The following MAK variants were observed in gnomAD, a reference collection of about 807,000 sequenced individuals.
MAK encodes male germ cell associated kinase.
Under a neutral mutation model 82.6 loss-of-function variants are expected in MAK, and 65 were observed. That is an observed-to-expected ratio of 0.79 (90% CI 0.64 to 0.97). The LOEUF (loss-of-function observed/expected upper bound fraction) is 0.97. MAK is among the 50% of genes least tolerant of loss of function. MAK has a pLI of 0.00. For missense variants in MAK, 703 were observed against 780.2 expected (o/e 0.90, Z 1.18); for synonymous variants, 250 against 274.2 (o/e 0.91, Z 0.87).
intron 1 of MAK, among the ~76,000 whole-genome samples, chr6:10,835,895 C>T (rs1240227067): frequency 2.6e-5 from 4 of 152,188 alleles, no homozygotes; most frequent in Non-Finnish European, 4.4e-5. Flanking sequence ...CAGCCACCCC[C>T]ATCACCACCG....
intron 4 of MAK, among the ~76,000 whole-genome samples, chr6:10,817,588 T>C (rs1165345341): frequency 2.6e-5 from 4 of 152,188 alleles, no homozygotes; most frequent in African/African-American, 7.2e-5. Context: ...AAATTTGTAT[T>C]TTAAAAAGCA....
chr6:10,805,813 A>C (rs1370717198), intron 6 of MAK, among the ~76,000 whole-genome samples: 1 of 152,224 alleles, frequency 6.6e-6, no homozygotes, highest in Non-Finnish European at 1.5e-5. Context: ...TAAAGTGTAC[A>C]TCACACTGCT....
intron 2 of MAK, among the ~76,000 whole-genome samples, chr6:10,822,210 T>G (rs1342126137): frequency 1.3e-5 from 2 of 151,246 alleles, no homozygotes; most frequent in Non-Finnish European, 2.9e-5. Context: ...TCGCAGCACT[T>G]TCAGAAGCTG....
chr6:10,837,060 G>T lies in MAK; in HGVS notation c.-230+1443C>A, dbSNP rs371018561. ...TAGGATTAAAGAAGATTAGCAAAGAGGGCAAATGAAGGGTAAAACAAGCGT... is the reference window on the plus strand; with the variant it reads ...TAGGATTAAAGAAGATTAGCAAAGATGGCAAATGAAGGGTAAAACAAGCGT... On this transcript the variant is annotated intron_variant, in intron 1 of 14. Coordinates refer to ENST00000354489, the MANE Select transcript of MAK (RefSeq NM_001242957.3). Among the ~76,000 whole-genome samples the T allele has an allele frequency of 6.0e-4, 91 of 152,286 alleles. No individual in the cohort carries two copies. The South Asian group carries it at 6.2e-3, about 10-fold the overall frequency.
chr6:10,804,781 A>T (rs1776281279), intron 6 of MAK, among the ~76,000 whole-genome samples: 1 of 152,142 alleles, frequency 6.6e-6, no homozygotes, highest in Admixed American at 6.6e-5. Flanking sequence ...TTTCAGTCCA[A>T]ATGTTTGGCA....
At chr6:10,798,371 T>C (rs519967) in intron 8 of MAK, among the ~76,000 whole-genome samples, 45,761 of 151,880 alleles carry the variant, frequency 0.3, 7,686 homozygotes, top group African/African-American at 0.46. Context: ...CCTTGGCCTC[T>C]CAAAGTGCTA....
chr6:10,784,737 C>T (rs553716337), intron 10 of MAK, 165 bp from the exon 11 acceptor site: 1 of 703,470 alleles, frequency 1.4e-6, no homozygotes, highest in Admixed American at 2.0e-5. Flanking sequence ...TTCCCCTCCA[C>T]CCGCGTAGAT....
intron 14 of MAK, among the ~76,000 whole-genome samples, chr6:10,768,919 T>G (rs1238027582): frequency 6.6e-6 from 1 of 152,176 alleles, no homozygotes; most frequent in Non-Finnish European, 1.5e-5. Context: ...ACTTTTAAAT[T>G]AAACTACAGG....
At chr6:10,785,174 G>T (rs901901692) in intron 10 of MAK, among the ~76,000 whole-genome samples, 1 of 152,142 alleles carries the variant, frequency 6.6e-6, no homozygotes, top group Non-Finnish European at 1.5e-5. Context: ...CTGCCTGTTG[G>T]TCCCTAACTC....
intron 1 of MAK, among the ~76,000 whole-genome samples, chr6:10,831,137 T>C (rs540253531): frequency 6.6e-6 from 1 of 152,346 alleles, no homozygotes; most frequent in South Asian, 2.1e-4. Flanking sequence ...ATTCCTTTTT[T>C]ACTAAATATA....
intron 13 of MAK, among the ~76,000 whole-genome samples, chr6:10,770,643 G>A (rs994898836): frequency 6.6e-6 from 1 of 152,192 alleles, no homozygotes; most frequent in Admixed American, 6.5e-5. Context: ...TAAAATGGTT[G>A]TAAGTGGACC....
rs1283637745 is a variant in MAK at position 10,776,031 on chromosome 6, G to T, written c.1466-572C>A. On this transcript the variant is annotated intron_variant, in intron 11 of 14. Transcript: ENST00000354489. This position sits in a 1 kb window ranked among gnomAD's most constrained non-coding sequence, Gnocchi z 4.3. The stretch of plus-strand genomic sequence containing the variant: ...TCAAACTCCTGGCCTCAAGTGATCC[G>T]TTCACCTTGGCCTCCCAAAGTGCTG... 1.3e-5 allele frequency among the ~76,000 whole-genome samples: 2 copies of T among 152,072 alleles called. No homozygotes were observed. The highest frequency in any genetic ancestry group is 2.9e-5 in the Non-Finnish European group (2 of 68,034).
chr6:10,796,147 CA>C lies in MAK; in HGVS notation c.993del (p.Val332LeufsTer22). 1 of 1,614,158 alleles carries C rather than the reference CA, an allele frequency of 6.2e-7. No individual in the cohort carries two copies. On this transcript the variant is annotated frameshift_variant, in exon 9 of 15. Transcript: ENST00000354489. LOFTEE classifies it high-confidence loss of function. ...PKPLPDIIDQ[V>X]VGQPQPKTSQ... Reference sequence around the variant, plus strand: ...CTAGTTTTTGGCTGGGGTTGTCCAACAACCTGATCGATTATATCCGGCAGAG... The same window carrying C: ...CTAGTTTTTGGCTGGGGTTGTCCAACACCTGATCGATTATATCCGGCAGAG...
At chr6:10,804,066 A>T (rs1776222529) in intron 6 of MAK, among the ~76,000 whole-genome samples, 175 bp from the exon 7 acceptor site, 1 of 152,190 alleles carries the variant, frequency 6.6e-6, no homozygotes, top group African/African-American at 2.4e-5. Context: ...GACACAACAC[A>T]TGTTCCCTGA....
intron 9 of MAK, 100 bp from the exon 10 acceptor site, chr6:10,791,947 A>G (rs1775127116): frequency 2.3e-6 from 3 of 1,311,966 alleles, no homozygotes; most frequent in Non-Finnish European, 3.3e-6. Flanking sequence ...CCCCATTCTC[A>G]AGGAGCGTTC....
rs555388483 is a variant in MAK at position 10,770,003 on chromosome 6, G to C, written c.1792+108C>G. On this transcript the variant is annotated intron_variant, in intron 14 of 14. Coordinates refer to ENST00000354489, the MANE Select transcript of MAK (RefSeq NM_001242957.3). ...ACAAAAAGAAATGCGTTAATGAGGT[G>C]AGGCTGACTAAAAGTCTTCGCTTGG... 34 of 1,599,322 alleles carry C rather than the reference G, an allele frequency of 2.1e-5. No homozygotes were observed. The South Asian group carries it at 3.1e-4, about 15-fold the overall frequency.
intron 10 of MAK, 21 bp from the exon 11 acceptor site, chr6:10,784,593 A>G: frequency 1.3e-6 from 2 of 1,576,640 alleles, no homozygotes; most frequent in Non-Finnish European, 1.7e-6. Flanking sequence ...AATGAAAGGT[A>G]GCATTACAGC....
Position 10,762,965 on chromosome 6 carries a change from AT to A in MAK, c.*1486del, listed in dbSNP as rs1772089089. ...GTATAATGCCCACAAGATGACACTT[AT>A]TACAATAGCAGTTGTTACAAAGTCA... On this transcript the variant is annotated 3_prime_UTR_variant, in exon 15 of 15. Coordinates refer to ENST00000354489, the MANE Select transcript of MAK (RefSeq NM_001242957.3). The A allele has an allele frequency of 2.0e-5, 3 of 152,652 alleles. No homozygotes were observed. The highest frequency in any genetic ancestry group is 1.5e-5 in the Non-Finnish European group (1 of 68,046). 9.5% of individuals were successfully genotyped at this position (152,652 alleles called of 1,614,324 possible). A position where few individuals can be genotyped will look rare whatever the true frequency, so the allele number is the denominator to read the frequency against.
intron 14 of MAK, among the ~76,000 whole-genome samples, chr6:10,768,903 G>A (rs144923161): frequency 6.6e-6 from 1 of 152,288 alleles, no homozygotes; most frequent in African/African-American, 2.4e-5. Context: ...CACACTTTCA[G>A]AGTCAACTTT....
Sources: allele counts gnomAD v4.1 joint callset (sites outside exome capture counted in the v4.1 genomes callset), GRCh38; gene constraint gnomAD v4.1.1; non-coding constraint Gnocchi (gnomAD v3.1); transcripts MANE v1.5; gene names NCBI Gene and HGNC (gene_info 2026-07-23, HGNC 2026-07-21).